Variants in BID observed in about 807,000 individuals in gnomAD.
BID encodes the protein BH3-interacting domain death agonist.
In BID, 19 loss-of-function variants were observed where a neutral mutation model predicts 17.4. That is an observed-to-expected ratio of 1.09 (90% CI 0.76 to 1.60). BID has a LOEUF of 1.60. Ranked by LOEUF, BID falls within the 40% of genes most tolerant of loss-of-function variation. BID has a pLI of 0.00. For missense variants in BID, 226 were observed against 256.0 expected, an observed-to-expected ratio of 0.88 and a Z score of 0.80; for synonymous variants, 108 against 102.8, an observed-to-expected ratio of 1.05 and a Z score of -0.31.
intron 1 of BID, among the ~76,000 whole-genome samples, chr22:17,752,603 T>C (rs922714792): frequency 3.3e-5 from 5 of 152,220 alleles, no homozygotes; most frequent in Non-Finnish European, 7.3e-5. Flanking sequence ...AACCCCAGTG[T>C]TGGGCATGTG....
intron 2 of BID, among the ~76,000 whole-genome samples, chr22:17,747,392 C>G (rs917547424): frequency 1.2e-4 from 19 of 152,218 alleles, no homozygotes; most frequent in Non-Finnish European, 8.8e-5. Context: ...GCCATCTCAG[C>G]TCACTGCAAC....
At chr22:17,757,566 G>A (rs1014244814) in intron 1 of BID, among the ~76,000 whole-genome samples, 55 of 151,716 alleles carry the variant, frequency 3.6e-4, no homozygotes, top group African/African-American at 9.9e-4. Flanking sequence ...AAAATTAGCC[G>A]GGCGTGGTGG....
chr22:17,762,935 G>A (rs895884580), intron 1 of BID, among the ~76,000 whole-genome samples: 1 of 151,770 alleles, frequency 6.6e-6, no homozygotes, highest in Non-Finnish European at 1.5e-5. Flanking sequence ...GGAGTGCAAT[G>A]GCGTGATCTT....
At chr22:17,737,975 T>C in intron 5 of BID, 42 bp downstream of exon 5, 1 of 1,603,340 alleles carries the variant, frequency 6.2e-7, no homozygotes, top group Non-Finnish European at 8.5e-7. Context: ...GAAAAGGGCA[T>C]GGGCGGCAGG....
chr22:17,766,095 T>C (rs1445259445), intron 1 of BID, among the ~76,000 whole-genome samples: 1 of 151,994 alleles, frequency 6.6e-6, no homozygotes, highest in Non-Finnish European at 1.5e-5. Context: ...CGGCTAATCT[T>C]TTATTTTTTG....
intron 5 of BID, among the ~76,000 whole-genome samples, chr22:17,735,888 A>G (rs2061415905): frequency 6.6e-6 from 1 of 152,204 alleles, no homozygotes; most frequent in Non-Finnish European, 1.5e-5. Context: ...TAAGCTGTCC[A>G]TACAGACTGC....
In BID at chr22:17,755,678, G is replaced by C. The variant is rs547329267; in HGVS notation, c.-58-5504C>G. ...TAGCCGGGTGTGGTGGCGCGTACCT[G>C]TAATCCAGCTACTCAGGAGGCTAAG... On this transcript the variant is annotated intron_variant, in intron 1 of 5. Transcript: ENST00000622694. Among the ~76,000 whole-genome samples, 520 of 151,836 alleles carry C rather than the reference G, an allele frequency of 3.4e-3. 5 individuals carry two copies. Among genetic ancestry groups the C allele is most frequent in the African/African-American group, 0.012 (499 of 41,396 alleles).
intron 4 of BID, 21 bp downstream of exon 4, chr22:17,739,328 G>T: frequency 6.4e-7 from 1 of 1,555,114 alleles, no homozygotes; most frequent in Non-Finnish European, 8.7e-7. Flanking sequence ...CCGCCCACGC[G>T]GTCCTCAGGC....
intron 1 of BID, among the ~76,000 whole-genome samples, chr22:17,771,799 C>T (rs563534136): frequency 1.4e-5 from 2 of 144,188 alleles, no homozygotes; most frequent in Non-Finnish European, 2.9e-5. Flanking sequence ...CCAGCAGTGG[C>T]TCTTGGGGAA....
intron 1 of BID, among the ~76,000 whole-genome samples, chr22:17,750,586 T>G (rs1278997898): frequency 6.6e-6 from 1 of 152,198 alleles, no homozygotes; most frequent in Non-Finnish European, 1.5e-5. Context: ...CCCAGCACTT[T>G]GGGAGGCCGA....
At chr22:17,755,859 GT>G (rs1204856851) in intron 1 of BID, among the ~76,000 whole-genome samples, 5 of 151,658 alleles carry the variant, frequency 3.3e-5, no homozygotes, top group Non-Finnish European at 5.9e-5. Flanking sequence ...TTCCTTTTTG[GT>G]TTTTTGTTTG....
chr22:17,737,921 G>T (rs1397375446), intron 5 of BID, 96 bp downstream of exon 5: 14 of 1,269,310 alleles, frequency 1.1e-5, no homozygotes, highest in African/African-American at 2.9e-5. Flanking sequence ...CCCTTGTGCT[G>T]GCATCAGAGG....
intron 1 of BID, among the ~76,000 whole-genome samples, chr22:17,772,419 A>G (rs1425921327): frequency 1.3e-5 from 2 of 152,230 alleles, no homozygotes; most frequent in African/African-American, 2.4e-5. Context: ...AATGGTGACC[A>G]GATGTCAACG....
chr22:17,764,782 T>C (rs1434605663), intron 1 of BID, among the ~76,000 whole-genome samples: 2 of 152,062 alleles, frequency 1.3e-5, no homozygotes, highest in African/African-American at 2.4e-5. Context: ...CCATTGAGGG[T>C]TGCTTTGATC....
chr22:17,740,257 T>C, intron 3 of BID: 1 of 1,246,776 alleles, frequency 8.0e-7, no homozygotes, highest in South Asian at 1.3e-5. Flanking sequence ...ACTTAATACA[T>C]GGCACTCAGT....
intron 1 of BID, among the ~76,000 whole-genome samples, chr22:17,764,866 C>T (rs781336686): frequency 1.3e-5 from 2 of 152,164 alleles, no homozygotes; most frequent in East Asian, 3.8e-4. Context: ...GAGAAATAAG[C>T]GGTAGCATCT....
chr22:17,742,490 A>ACCCCCC (rs2061467095), intron 3 of BID, among the ~76,000 whole-genome samples: 1 of 55,762 alleles, frequency 1.8e-5, no homozygotes, highest in African/African-American at 6.4e-5. Context: ...CCCCACCCCC[A>ACCCCCC]CCCCCACCCC....
chr22:17,735,211 T>TA lies in BID; in HGVS notation c.*368dup, dbSNP rs575412458. The TA allele has an allele frequency of 5.9e-4, 131 of 220,868 alleles. No homozygotes were observed. Among genetic ancestry groups the TA allele is most frequent in the Middle Eastern group, 1.7e-3 (1 of 580 alleles). 13.7% of individuals were successfully genotyped at this position (220,868 alleles called of 1,614,324 possible). ...ACTTTAATAAACAGTAATTTTTTTT[T>TA]ACCAAAAAAATTGTATTTTGTTTCT... On this transcript the variant is annotated 3_prime_UTR_variant, in exon 6 of 6. Coordinates refer to ENST00000622694, the MANE Select transcript of BID (RefSeq NM_001196.4).
chr22:17,738,606 GGGGGA>G (rs1252762678), intron 4 of BID, among the ~76,000 whole-genome samples: 1 of 152,142 alleles, frequency 6.6e-6, no homozygotes, highest in Admixed American at 6.5e-5. Context: ...GGGGGTTCCT[GGGGGA>G]CACTAGACAG....
Sources: gnomAD v4.1 joint callset for allele counts (sites outside exome capture counted in the v4.1 genomes callset) on GRCh38, gnomAD v4.1.1 for gene constraint, MANE v1.5 for transcripts, NCBI Gene and HGNC (gene_info 2026-07-23, HGNC 2026-07-21) for gene names.